Variants in ST6GALNAC5 observed in about 807,000 individuals in gnomAD.
The protein encoded by ST6GALNAC5 is alpha-N-acetylgalactosaminide alpha-2,6-sialyltransferase 5.
In ST6GALNAC5, 27 loss-of-function variants were observed where a neutral mutation model predicts 33.6. The observed-to-expected ratio is 0.80, with a 90% CI of 0.59 to 1.11. ST6GALNAC5 has a LOEUF of 1.11. Among genes scored for constraint, ST6GALNAC5 ranks in the 50% least tolerant of loss-of-function variants. The pLI, the probability that ST6GALNAC5 is intolerant of heterozygous loss-of-function variation, is 0.00. For synonymous variants in ST6GALNAC5, 194 were observed against 171.2 expected, an observed-to-expected ratio of 1.13 and a Z score of -1.04; for missense variants, 428 against 454.0, an observed-to-expected ratio of 0.94 and a Z score of 0.52.
chr1:76,961,870 C>A (rs1416900554), intron 2 of ST6GALNAC5, among the ~76,000 whole-genome samples: 1 of 152,106 alleles, frequency 6.6e-6, no homozygotes, highest in Non-Finnish European at 1.5e-5. Flanking sequence ...TTCTCCCTAC[C>A]CCACCAGGCT....
intron 2 of ST6GALNAC5, among the ~76,000 whole-genome samples, chr1:76,953,142 G>C (rs1647819661): frequency 6.6e-6 from 1 of 152,106 alleles, no homozygotes; most frequent in South Asian, 2.1e-4. Context: ...AGCTGCCATA[G>C]ACATTTGTGT....
At chr1:76,884,982 TG>T (rs1653860715) in intron 2 of ST6GALNAC5, among the ~76,000 whole-genome samples, 2 of 152,290 alleles carry the variant, frequency 1.3e-5, no homozygotes, top group African/African-American at 4.8e-5. Context: ...ATCGCAATAC[TG>T]ACTGGTCTGA....
chr1:76,902,809 G>A (rs1646831054), intron 2 of ST6GALNAC5, among the ~76,000 whole-genome samples: 1 of 152,122 alleles, frequency 6.6e-6, no homozygotes, highest in South Asian at 2.1e-4. Flanking sequence ...AACAAATGGT[G>A]CTAGGATGAT....
chr1:76,954,376 TG>T (rs901926657), intron 2 of ST6GALNAC5, among the ~76,000 whole-genome samples: 1 of 151,988 alleles, frequency 6.6e-6, no homozygotes, highest in African/African-American at 2.4e-5. Context: ...TGAGGCCTGT[TG>T]GAAAGTGGGA....
chr1:76,927,728 A>G (rs1243628406), intron 2 of ST6GALNAC5, among the ~76,000 whole-genome samples: 12 of 151,902 alleles, frequency 7.9e-5, no homozygotes, highest in Non-Finnish European at 1.5e-4. Context: ...CCTTATTTGT[A>G]GGGTCCCCAG....
chr1:77,044,645 A>T, intron 3 of ST6GALNAC5, 32 bp downstream of exon 3: 1 of 1,518,684 alleles, frequency 6.6e-7, no homozygotes, highest in Non-Finnish European at 8.8e-7. Flanking sequence ...GATGCAGGGG[A>T]GGGTGAGGAT....
chr1:76,914,817 C>A (rs1425498271), intron 2 of ST6GALNAC5, among the ~76,000 whole-genome samples: 2 of 152,118 alleles, frequency 1.3e-5, no homozygotes, highest in Non-Finnish European at 2.9e-5. Flanking sequence ...AAAGCAATGG[C>A]AACAAAAGCC....
chr1:77,005,941 C>G (rs911799710), intron 2 of ST6GALNAC5, among the ~76,000 whole-genome samples: 1 of 152,186 alleles, frequency 6.6e-6, no homozygotes, highest in African/African-American at 2.4e-5. Flanking sequence ...TTTATCCATT[C>G]CTCCATTGAT....
chr1:76,984,595 A>C (rs1649403713), intron 2 of ST6GALNAC5, among the ~76,000 whole-genome samples: 1 of 152,216 alleles, frequency 6.6e-6, no homozygotes, highest in South Asian at 2.1e-4. Context: ...TACAAAGAGG[A>C]GCTGTTACCA....
chr1:76,967,119 G>T (rs1218384557), intron 2 of ST6GALNAC5, among the ~76,000 whole-genome samples: 1 of 152,214 alleles, frequency 6.6e-6, no homozygotes, highest in East Asian at 1.9e-4. Flanking sequence ...CATAAAATGA[G>T]CTAGGGAGGA....
intron 3 of ST6GALNAC5, among the ~76,000 whole-genome samples, chr1:77,046,521 G>A (rs1223668800): frequency 1.3e-5 from 2 of 152,192 alleles, no homozygotes; most frequent in African/African-American, 4.8e-5. Flanking sequence ...CTCACTGGAA[G>A]GCCCAGCAGA....
At chr1:76,915,896 A>T (rs1190147665) in intron 2 of ST6GALNAC5, among the ~76,000 whole-genome samples, 2 of 113,646 alleles carry the variant, frequency 1.8e-5, no homozygotes, top group Non-Finnish European at 3.8e-5. Context: ...CAAAAAAACA[A>T]AAAACTTCCT....
intron 2 of ST6GALNAC5, among the ~76,000 whole-genome samples, chr1:77,019,898 A>G (rs1650987916): frequency 6.6e-6 from 1 of 152,144 alleles, no homozygotes; most frequent in Non-Finnish European, 1.5e-5. Flanking sequence ...CCTATCTTAT[A>G]CTTTAAACTG....
At chr1:76,869,270 T>C (rs1244055457) in intron 2 of ST6GALNAC5, among the ~76,000 whole-genome samples, 7 of 152,218 alleles carry the variant, frequency 4.6e-5, no homozygotes, top group Non-Finnish European at 1.0e-4. Flanking sequence ...CAGGCAGGCA[T>C]GGAAGACTTG....
At chr1:76,976,018 C>T (rs1022285462) in intron 2 of ST6GALNAC5, among the ~76,000 whole-genome samples, 1 of 152,116 alleles carries the variant, frequency 6.6e-6, no homozygotes, top group African/African-American at 2.4e-5. Flanking sequence ...TAGCTTGAAA[C>T]CCGGAGGTGG....
At chr1:76,869,407 C>T (rs1653445452) in intron 2 of ST6GALNAC5, among the ~76,000 whole-genome samples, 2 of 152,334 alleles carry the variant, frequency 1.3e-5, no homozygotes, top group African/African-American at 2.4e-5. Flanking sequence ...ATTGGGCCTC[C>T]TTTCCCTGGA....
At chr1:77,034,716 AG>A (rs1463989632) in intron 2 of ST6GALNAC5, among the ~76,000 whole-genome samples, 2 of 152,198 alleles carry the variant, frequency 1.3e-5, no homozygotes, top group Non-Finnish European at 2.9e-5. Context: ...GTGCAGAGGA[AG>A]GCAGCCTGCA....
intron 2 of ST6GALNAC5, among the ~76,000 whole-genome samples, chr1:77,003,486 T>C (rs1236660949): frequency 1.5e-4 from 23 of 150,570 alleles, no homozygotes; most frequent in Non-Finnish European, 3.0e-4. Flanking sequence ...ATTTAGTCCA[T>C]TTACATTTAA....
At chr1:76,949,547 T>C (rs927522261) in intron 2 of ST6GALNAC5, among the ~76,000 whole-genome samples, 5 of 152,104 alleles carry the variant, frequency 3.3e-5, no homozygotes, top group South Asian at 4.1e-4. Flanking sequence ...GTTTTCCTCA[T>C]GTGTAAAATC....
Sources: allele counts gnomAD v4.1 joint callset (sites outside exome capture counted in the v4.1 genomes callset), GRCh38; gene constraint gnomAD v4.1.1; transcripts MANE v1.5; gene names NCBI Gene and HGNC (gene_info 2026-07-23, HGNC 2026-07-21).